SLC44A1: variants seen among roughly 807,000 people sequenced by gnomAD.
SLC44A1 encodes solute carrier family 44 member 1.
SLC44A1 carries 26 observed loss-of-function variants against 79.3 expected under a neutral mutation model. The observed-to-expected ratio is 0.33, with a 90% CI of 0.24 to 0.46. The LOEUF (loss-of-function observed/expected upper bound fraction) is 0.46, where lower values mean the gene tolerates loss of function less well. Among genes scored for constraint, SLC44A1 ranks in the 20% least tolerant of loss-of-function variants. SLC44A1 has a pLI of 1.00. For missense variants in SLC44A1, 688 were observed against 798.1 expected (o/e 0.86, Z 1.66); for synonymous variants, 263 against 286.2 (o/e 0.92, Z 0.82).
intron 14 of SLC44A1, among the ~76,000 whole-genome samples, chr9:105,383,696 C>T (rs1183919165): frequency 6.6e-6 from 1 of 152,220 alleles, no homozygotes; most frequent in East Asian, 1.9e-4. Flanking sequence ...GGCTCAAAGA[C>T]AAAATATCCT....
chr9:105,296,458 A>C (rs886712454), intron 1 of SLC44A1, among the ~76,000 whole-genome samples: 23 of 152,240 alleles, frequency 1.5e-4, no homozygotes, highest in Admixed American at 1.4e-3. Context: ...AAATTTAGGC[A>C]TTAATGAACT....
intron 14 of SLC44A1, among the ~76,000 whole-genome samples, chr9:105,384,115 A>G (rs1828556869): frequency 1.3e-5 from 2 of 152,224 alleles, no homozygotes; most frequent in Admixed American, 1.3e-4. Context: ...CATTGAAATA[A>G]CAAGTCATTT....
chr9:105,407,386 T>C (rs1006269355), intron 15 of SLC44A1, among the ~76,000 whole-genome samples: 3 of 152,172 alleles, frequency 2.0e-5, no homozygotes, highest in African/African-American at 7.2e-5. Flanking sequence ...TATAACCAAA[T>C]TGTTGACAAA....
intron 1 of SLC44A1, among the ~76,000 whole-genome samples, chr9:105,270,474 T>G (rs2131228975): frequency 6.6e-6 from 1 of 152,214 alleles, no homozygotes; most frequent in South Asian, 2.1e-4. Flanking sequence ...CCAGACTTCT[T>G]CTCTACCTTA....
intron 4 of SLC44A1, among the ~76,000 whole-genome samples, chr9:105,347,368 G>C (rs1436458935): frequency 3.3e-5 from 5 of 152,160 alleles, no homozygotes; most frequent in African/African-American, 1.2e-4. Context: ...TTTATGTGAT[G>C]AAATGCAGCA....
At chr9:105,305,634 A>G (rs7039398) in intron 2 of SLC44A1, among the ~76,000 whole-genome samples, 34,130 of 152,034 alleles carry the variant, frequency 0.22, 7,010 homozygotes, top group African/African-American at 0.55. Flanking sequence ...TTAATTCCAC[A>G]GGAGAGGGCT....
intron 5 of SLC44A1, among the ~76,000 whole-genome samples, chr9:105,349,313 A>G (rs1383732072): frequency 6.6e-6 from 1 of 152,196 alleles, no homozygotes; most frequent in Non-Finnish European, 1.5e-5. Context: ...TTGTATCTCA[A>G]TATATTATAG....
Position 105,395,548 on chromosome 9 carries a change from A to G in SLC44A1, c.*6492A>G. ...AGAGTTTTAATGAACCTTCCACAGT[A>G]GTAAATGCAGAGACCACTGGTGGAA... On this transcript the variant is annotated 3_prime_UTR_variant, in exon 16 of 16. Transcript: ENST00000374720. 1 of 985,466 alleles carries G rather than the reference A, an allele frequency of 1.0e-6. No homozygotes were observed. The highest frequency in any genetic ancestry group is 4.7e-5 in the South Asian group (1 of 21,286). The allele number at this position is 985,466 out of a possible 1,614,324, so 61.0% of individuals were successfully genotyped here. A position where few individuals can be genotyped will look rare whatever the true frequency, so the allele number is the denominator to read the frequency against.
chr9:105,263,273 C>T (rs1829882342), intron 1 of SLC44A1, among the ~76,000 whole-genome samples: 1 of 152,184 alleles, frequency 6.6e-6, no homozygotes, highest in African/African-American at 2.4e-5. Flanking sequence ...TTTCATTTTG[C>T]ACTACCGAGC....
intron 1 of SLC44A1, among the ~76,000 whole-genome samples, chr9:105,284,969 T>G (rs1830441413): frequency 6.6e-6 from 1 of 152,224 alleles, no homozygotes; most frequent in Admixed American, 6.5e-5. Flanking sequence ...CTCTATAGAT[T>G]TGCCTATTCT....
At chr9:105,332,992 CAG>C (rs1826798909) in intron 3 of SLC44A1, among the ~76,000 whole-genome samples, 1 of 152,130 alleles carries the variant, frequency 6.6e-6, no homozygotes, top group Non-Finnish European at 1.5e-5. Context: ...TTTCCAAGGT[CAG>C]AGAACTATTA....
In SLC44A1 at chr9:105,390,006, T is replaced by G. The variant is rs1034628343; in HGVS notation, c.*950T>G. 7.1e-6 allele frequency: 10 copies of G among 1,411,216 alleles called. No individual in the cohort carries two copies. The highest frequency in any genetic ancestry group is 1.5e-5 in the African/African-American group (1 of 68,722). 87.4% of individuals were successfully genotyped at this position (1,411,216 alleles called of 1,614,324 possible). ...TCGGCTTCAGAGTAACGTCAGTGGC[T>G]TAGGGTTAAACGGCCATTTTATTCA... On this transcript the variant is annotated 3_prime_UTR_variant, in exon 16 of 16. Coordinates refer to ENST00000374720, the MANE Select transcript of SLC44A1 (RefSeq NM_080546.5).
intron 1 of SLC44A1, among the ~76,000 whole-genome samples, chr9:105,263,622 A>G (rs403316): frequency 0.22 from 32,220 of 147,634 alleles, 6,175 homozygotes; most frequent in African/African-American, 0.52. Context: ...CTCAACGTCC[A>G]CCTCCCGGGT....
At chr9:105,246,607 A>G (rs929672466) in intron 1 of SLC44A1, among the ~76,000 whole-genome samples, 2 of 152,176 alleles carry the variant, frequency 1.3e-5, no homozygotes, top group African/African-American at 4.8e-5. Flanking sequence ...GTGGGGGTCT[A>G]GTTGGGTGCT....
intron 3 of SLC44A1, among the ~76,000 whole-genome samples, chr9:105,323,932 T>G (rs986935764): frequency 1.3e-5 from 2 of 152,228 alleles, no homozygotes; most frequent in Non-Finnish European, 2.9e-5. Context: ...TGTCCTTTTT[T>G]GCCCACTGCA....
At chr9:105,324,062 T>C (rs565741230) in intron 3 of SLC44A1, among the ~76,000 whole-genome samples, 2 of 152,108 alleles carry the variant, frequency 1.3e-5, no homozygotes, top group Admixed American at 6.5e-5. Flanking sequence ...AGTGCAGTGG[T>C]GCGATCTAGG....
In SLC44A1 at chr9:105,351,530, CTGAAA is replaced by C. The variant is rs1827405601; in HGVS notation, c.500+3080_500+3084del. Among the ~76,000 whole-genome samples the C allele has an allele frequency of 2.3e-4, 15 of 63,898 alleles. 1 individual carries two copies. The highest frequency in any genetic ancestry group is 1.6e-4 in the Non-Finnish European group (4 of 25,332). The allele number at this position is 63,898 out of a possible 152,430, so 41.9% of individuals were successfully genotyped here. ...CCTGGGCAACAGAGCAAGACCCTGT[CTGAAA>C]GAAAGAAAGAAAGAAAGAAAGAGAG... On this transcript the variant is annotated intron_variant, in intron 5 of 15. Transcript: ENST00000374720.
At chr9:105,412,099 G>C (rs565843107) in intron 15 of SLC44A1, among the ~76,000 whole-genome samples, 1 of 152,060 alleles carries the variant, frequency 6.6e-6, no homozygotes, top group South Asian at 2.1e-4. Flanking sequence ...ATTAGCTGGT[G>C]TTCTACTGTA....
chr9:105,281,044 T>G (rs923741367), intron 1 of SLC44A1, among the ~76,000 whole-genome samples: 2 of 152,160 alleles, frequency 1.3e-5, no homozygotes, highest in African/African-American at 4.8e-5. Context: ...CATTCCTTTT[T>G]GTAGTTGCCT....
Sources: allele counts gnomAD v4.1 joint callset (sites outside exome capture counted in the v4.1 genomes callset), GRCh38; gene constraint gnomAD v4.1.1; transcripts MANE v1.5; gene names NCBI Gene and HGNC (gene_info 2026-07-23, HGNC 2026-07-21).